The following DIDO1 variants were observed in gnomAD, a reference collection of about 807,000 sequenced individuals.
The protein encoded by DIDO1 is death inducer-obliterator 1.
A neutral mutation model predicts 99.4 loss-of-function variants in DIDO1; 16 were observed. The ratio of observed to expected loss-of-function variants is 0.16; its 90% CI spans 0.11 to 0.24. DIDO1 has a LOEUF of 0.24. Among genes scored for constraint, DIDO1 ranks in the 10% least tolerant of loss-of-function variants. The pLI is 1.00. For synonymous variants in DIDO1, 1,366 were observed against 1,239.1 expected (o/e 1.10, Z -2.15); for missense variants, 2,996 against 3,014.0 (o/e 0.99, Z 0.14).
In DIDO1 at chr20:62,907,342, A is replaced by C. The variant is rs958380549; in HGVS notation, c.1179T>G (p.Gly393=). ...ACCCGGGGCCAATACATTTTGAGGC[A>C]CCAGGCGCCTCTATCACCTGCAGAA... ...KIFQPVIEAP[G]ASKCIGPGCC... Residue 393 remains glycine (G), a synonymous_variant, in exon 5 of 16, where the codon GGT becomes GGG. Coordinates refer to ENST00000395343, the MANE Select transcript of DIDO1 (RefSeq NM_001193369.2). The C allele has an allele frequency of 1.2e-6, 2 of 1,613,950 alleles. No homozygotes were observed. The highest frequency in any genetic ancestry group is 3.3e-5 in the Admixed American group (2 of 60,016).
chr20:62,892,657 G>A (rs910447687), intron 13 of DIDO1, 152 bp downstream of exon 13: 11 of 1,133,966 alleles, frequency 9.7e-6, no homozygotes, highest in Non-Finnish European at 1.3e-5. Flanking sequence ...ATTTAGAGCC[G>A]TTTCTGCATC....
At chr20:62,906,737 C>T (rs1360956831) in intron 5 of DIDO1, among the ~76,000 whole-genome samples, 2 of 145,084 alleles carry the variant, frequency 1.4e-5, no homozygotes, top group African/African-American at 2.6e-5. Flanking sequence ...CCAAATAACA[C>T]GGAGTACAAA....
intron 6 of DIDO1, chr20:62,905,309 T>C (rs2064776418): frequency 4.3e-6 from 6 of 1,409,056 alleles, no homozygotes; most frequent in South Asian, 1.6e-5. Flanking sequence ...AATGTGTTCA[T>C]GTGGGTGTGT....
rs1269748781 is a variant in DIDO1, at chr20:62,880,066, G to A, written c.5890C>T (p.Pro1964Ser). Residue 1964 changes from proline to serine, a missense_variant, in exon 16 of 16, where the codon CCT becomes TCT. Pro to Ser is a moderately conservative substitution (Grantham distance 74, BLOSUM62 -1). Transcript: ENST00000395343. Reference sequence around the variant, plus strand: ...ACCCTCTGGTCTTCGAACTGCTGAGGCTGAATGCCCCTGGGACCTGGCATA... The same window carrying A: ...ACCCTCTGGTCTTCGAACTGCTGAGACTGAATGCCCCTGGGACCTGGCATA... ...NFMPGPRGIQ[P>S]QQFEDQRVHS... 1.6e-5 allele frequency: 26 copies of A among 1,611,626 alleles called. No homozygotes were observed. The highest frequency in any genetic ancestry group is 2.2e-5 in the Non-Finnish European group (26 of 1,180,012).
At chr20:62,900,990 T>TC (rs1286462104) in intron 6 of DIDO1, among the ~76,000 whole-genome samples, 3 of 152,216 alleles carry the variant, frequency 2.0e-5, no homozygotes, top group Non-Finnish European at 4.4e-5. Flanking sequence ...GTTTCTTCAC[T>TC]CCAAGATTGC....
chr20:62,907,459 G>C, intron 4 of DIDO1, 100 bp from the exon 5 acceptor site: 1 of 1,119,572 alleles, frequency 8.9e-7, no homozygotes, highest in Non-Finnish European at 1.3e-6. Context: ...CAAGGCCACA[G>C]TTTCAAAATG....
intron 6 of DIDO1, chr20:62,904,953 G>A (rs73918864): frequency 4.1e-6 from 4 of 972,864 alleles, no homozygotes; most frequent in African/African-American, 3.5e-5. Flanking sequence ...TTAACCTTTC[G>A]GTGCTTTTTA....
At position 62,914,270 on chromosome 20, in the gene DIDO1, C is replaced by T. The variant is rs888621184; in HGVS notation, c.-63G>A. The T allele has an allele frequency of 6.6e-6, 1 of 152,184 alleles. No homozygotes were observed. The highest frequency in any genetic ancestry group is 6.5e-5 in the Admixed American group (1 of 15,272). 9.4% of individuals were successfully genotyped at this position (152,184 alleles called of 1,614,324 possible). A position where few individuals can be genotyped will look rare whatever the true frequency, so the allele number is the denominator to read the frequency against. Reference sequence around the variant, plus strand: ...GAAATCCTAAATACAACCAAAAACCCTGGCAGACGAAACCTCTGGGTCCAA... The same window carrying T: ...GAAATCCTAAATACAACCAAAAACCTTGGCAGACGAAACCTCTGGGTCCAA... On this transcript the variant is annotated 5_prime_UTR_variant, in exon 2 of 16. Transcript: ENST00000395343.
intron 14 of DIDO1, among the ~76,000 whole-genome samples, chr20:62,891,687 C>T (rs1417574572): frequency 2.6e-5 from 4 of 151,892 alleles, no homozygotes; most frequent in East Asian, 1.9e-4. Context: ...ACCGCACATA[C>T]ATTATAATAA....
chr20:62,910,050 TG>T (rs1349372214), intron 3 of DIDO1, 30 bp from the exon 4 acceptor site: 2 of 1,590,578 alleles, frequency 1.3e-6, no homozygotes, highest in Non-Finnish European at 1.7e-6. Context: ...GTATTAGCAA[TG>T]GGACGTGAGT....
Position 62,879,650 on chromosome 20 carries a change from C to A in DIDO1, c.6306G>T (p.Glu2102Asp). ...DVGPKEKPLEEPDAQGRASED... is the reference protein window; with the variant it reads ...DVGPKEKPLEDPDAQGRASED... Reference sequence around the variant, plus strand: ...CGGACGCCCGGCCCTGGGCGTCGGGCTCCTCCAGCGGCTTCTCTTTGGGCC... The same window carrying A: ...CGGACGCCCGGCCCTGGGCGTCGGGATCCTCCAGCGGCTTCTCTTTGGGCC... The change falls in exon 16 of 16, where the codon GAG (glutamate) becomes GAT (aspartate). Residue 2102 changes from glutamate (E) to aspartate (D), a missense_variant. Glu to Asp is a conservative substitution (Grantham distance 45). This residue lies in a region of DIDO1 where 1,562 missense variants were observed against 1,412.6 expected (regional missense o/e 1.11). Transcript: ENST00000395343. This position sits in a 1 kb window ranked among gnomAD's most constrained non-coding sequence, Gnocchi z 6.3. 1.2e-6 allele frequency: 2 copies of A among 1,607,692 alleles called. No individual in the cohort carries two copies. Among genetic ancestry groups the A allele is most frequent in the Non-Finnish European group, 1.7e-6 (2 of 1,179,784 alleles).
intron 4 of DIDO1, 108 bp downstream of exon 4, chr20:62,909,591 C>G: frequency 1.5e-6 from 2 of 1,372,916 alleles, no homozygotes; most frequent in Non-Finnish European, 2.0e-6. Flanking sequence ...GGAGAGGCAC[C>G]GCCCCACATG....
Position 62,880,340 on chromosome 20 carries a change from C to T in DIDO1, c.5616G>A (p.Gly1872=), listed in dbSNP as rs2064177813. 4 of 1,612,752 alleles carry T rather than the reference C, an allele frequency of 2.5e-6. No homozygotes were observed. The highest frequency in any genetic ancestry group is 3.4e-6 in the Non-Finnish European group (4 of 1,180,020). Residue 1872 remains glycine, a synonymous_variant, in exon 16 of 16, where the codon GGG becomes GGA. Coordinates refer to ENST00000395343, the MANE Select transcript of DIDO1 (RefSeq NM_001193369.2). The part of the protein sequence containing the change: ...EVTGAPAQFE[G]TEQAPFLGSR... The stretch of plus-strand genomic sequence containing the variant: ...TTCCCAGAAATGGGGCTTGCTCTGT[C>T]CCTTCAAACTGGGCGGGGGCGCCCG...
rs773749089 is a variant in DIDO1, at chr20:62,905,817, C to G, written c.1588+70G>C. The G allele has an allele frequency of 5.6e-6, 9 of 1,613,818 alleles. No individual in the cohort carries two copies. The Admixed American group carries it at 1.2e-4, about 21-fold the overall frequency. On this transcript the variant is annotated intron_variant, in intron 6 of 15. Transcript: ENST00000395343. ...CAAAGCTGCAACTCCCAGTCCTGGA[C>G]AGGCCCAGGGGATGGCTATCCAGAA...
In DIDO1 at chr20:62,894,086, G is replaced by A; in HGVS notation, c.2681C>T (p.Pro894Leu). 1 of 1,614,232 alleles carries A rather than the reference G, an allele frequency of 6.2e-7. No individual in the cohort carries two copies. The highest frequency in any genetic ancestry group is 8.5e-7 in the Non-Finnish European group (1 of 1,180,046). The change falls in exon 12 of 16, where the codon CCA becomes CTA. Residue 894 changes from proline (P) to leucine (L), a missense_variant. Pro to Leu is a moderately conservative substitution (Grantham distance 98, BLOSUM62 -3). Around this residue, in one of 5 missense-constraint regions of DIDO1, gnomAD observed 898 missense variants for 972.7 expected, o/e 0.92. Transcript: ENST00000395343. This position sits in a 1 kb window ranked among gnomAD's most constrained non-coding sequence, Gnocchi z 4.4. ...CACCTCATCAGCTGAATCCGGAGCT[G>A]GGTCAGGTGCAGAGCTGTCATGCTT... ...KSKHDSSAPD[P>L]APDSADEVMP...
intron 15 of DIDO1, chr20:62,890,670 G>C: frequency 7.9e-7 from 1 of 1,269,834 alleles, no homozygotes; most frequent in South Asian, 1.8e-5. Flanking sequence ...TTGGGCTTCT[G>C]GGCACTGAGT....
At chr20:62,923,939 A>T (rs1294346748) in intron 1 of DIDO1, among the ~76,000 whole-genome samples, 6 of 152,206 alleles carry the variant, frequency 3.9e-5, no homozygotes, top group Admixed American at 1.3e-4. Context: ...AATATGTACA[A>T]TTACCTATTC....
At chr20:62,893,358 C>T (rs574949297) in intron 12 of DIDO1, among the ~76,000 whole-genome samples, 10 of 152,258 alleles carry the variant, frequency 6.6e-5, no homozygotes, top group East Asian at 1.9e-4. Flanking sequence ...GCAAGTTTTA[C>T]GTTTTTGGTA....
At chr20:62,933,002 C>T (rs1258534099) in intron 1 of DIDO1, among the ~76,000 whole-genome samples, 2 of 152,190 alleles carry the variant, frequency 1.3e-5, no homozygotes, top group African/African-American at 4.8e-5. Flanking sequence ...CACCTGAGGT[C>T]TGGAGTTCGA....
Sources: gnomAD v4.1 joint callset for allele counts (sites outside exome capture counted in the v4.1 genomes callset) on GRCh38, gnomAD v4.1.1 for gene constraint, gnomAD v4.1.1 regional missense constraint, Gnocchi (gnomAD v3.1) non-coding constraint, MANE v1.5 for transcripts, NCBI Gene and HGNC (gene_info 2026-07-23, HGNC 2026-07-21) for gene names.